Variants in TRDN observed in about 807,000 individuals in gnomAD.
TRDN encodes the protein triadin.
Under a neutral mutation model 149.7 loss-of-function variants are expected in TRDN, and 161 were observed. The ratio of observed to expected loss-of-function variants is 1.08; its 90% confidence interval spans 0.95 to 1.23. The LOEUF (loss-of-function observed/expected upper bound fraction) is 1.23, where lower values mean the gene tolerates loss of function less well. Among genes scored for constraint, TRDN ranks in the 50% most tolerant of loss-of-function variants. The probability of loss-of-function intolerance (pLI) is 0.00; values close to 1 mark genes in which losing one functional copy is unlikely to be tolerated. For synonymous variants in TRDN, 294 were observed against 250.5 expected, an observed-to-expected ratio of 1.17 and a Z score of -1.64; for missense variants, 896 against 823.5, an observed-to-expected ratio of 1.09 and a Z score of -1.08.
intron 2 of TRDN, among the ~76,000 whole-genome samples, chr6:123,561,137 T>C (rs1292702374): frequency 2.6e-5 from 4 of 152,178 alleles, no homozygotes; most frequent in Admixed American, 2.0e-4. Context: ...TGTGGTCATT[T>C]CTTCCCTTCT....
chr6:123,464,919 T>C lies in TRDN; in HGVS notation c.918A>G (p.Ser306=). The C allele has an allele frequency of 6.3e-7, 1 of 1,588,698 alleles. No homozygotes were observed. Among genetic ancestry groups the C allele is most frequent in the South Asian group, 1.2e-5 (1 of 86,838 alleles). ...AAAAGTACTTGCCTTCAAGGGCAGG[T>C]GATGCCGGAGTGGGTCTGGAAGCTT... is the stretch of plus-strand genomic sequence containing the variant. ...TEQASRPTPA[S]PALEEKEGEK... is the part of the protein sequence containing the mutation. Residue 306 remains serine (S), a synonymous_variant, in exon 10 of 41, where the codon TCA becomes TCG. Transcript: ENST00000334268.
intron 20 of TRDN, among the ~76,000 whole-genome samples, chr6:123,364,944 T>A (rs534384181): frequency 6.6e-6 from 1 of 152,352 alleles, no homozygotes; most frequent in African/African-American, 2.4e-5. Context: ...TTAATACTAA[T>A]GAGCAATGTC....
At chr6:123,455,397 AG>A (rs1776048407) in intron 10 of TRDN, among the ~76,000 whole-genome samples, 1 of 146,088 alleles carries the variant, frequency 6.8e-6, no homozygotes, top group Non-Finnish European at 1.5e-5. Context: ...GAAACAAAAA[AG>A]GCAACCACTG....
chr6:123,494,175 C>G (rs193087697), intron 9 of TRDN, among the ~76,000 whole-genome samples: 1 of 152,190 alleles, frequency 6.6e-6, no homozygotes, highest in East Asian at 1.9e-4. Context: ...TCCTATAGAA[C>G]TAGGAATTAT....
At chr6:123,294,952 C>T (rs1189587540) in intron 24 of TRDN, among the ~76,000 whole-genome samples, 2 of 152,096 alleles carry the variant, frequency 1.3e-5, no homozygotes, top group Non-Finnish European at 1.5e-5. Context: ...GAAGCAGTTA[C>T]AGAAAATGAA....
chr6:123,625,108 C>A (rs972743347), intron 1 of TRDN, among the ~76,000 whole-genome samples: 3 of 149,758 alleles, frequency 2.0e-5, no homozygotes, highest in African/African-American at 5.0e-5. Context: ...CAAATGTACT[C>A]TTGATCTCCT....
intron 14 of TRDN, among the ~76,000 whole-genome samples, chr6:123,385,581 T>C (rs1411145927): frequency 1.3e-5 from 2 of 152,146 alleles, no homozygotes; most frequent in Admixed American, 1.3e-4. Flanking sequence ...ACTATAATAC[T>C]AGGAATTTTG....
intron 24 of TRDN, among the ~76,000 whole-genome samples, chr6:123,303,859 C>T (rs571458468): frequency 6.6e-6 from 1 of 151,806 alleles, no homozygotes; most frequent in East Asian, 1.9e-4. Flanking sequence ...AAAATGTAAA[C>T]AAGATAATAA....
At chr6:123,464,186 A>C in intron 10 of TRDN, 4 of 866,232 alleles carry the variant, frequency 4.6e-6, no homozygotes, top group Non-Finnish European at 5.5e-6. Flanking sequence ...ACAATATCTG[A>C]AATGATCCCA....
intron 23 of TRDN, among the ~76,000 whole-genome samples, chr6:123,323,438 C>G (rs1164446836): frequency 6.6e-6 from 1 of 152,100 alleles, no homozygotes; most frequent in Non-Finnish European, 1.5e-5. Context: ...TGTCTCTGTC[C>G]CTCTTACACA....
At chr6:123,247,928 C>G (rs1202999770) in intron 38 of TRDN, among the ~76,000 whole-genome samples, 1 of 152,016 alleles carries the variant, frequency 6.6e-6, no homozygotes, top group African/African-American at 2.4e-5. Flanking sequence ...AGAACAAAGG[C>G]CACAGAAATA....
intron 10 of TRDN, among the ~76,000 whole-genome samples, chr6:123,447,757 A>G (rs1343535058): frequency 1.3e-5 from 2 of 150,658 alleles, no homozygotes; most frequent in Non-Finnish European, 3.0e-5. Context: ...TGGGCCACAG[A>G]GTGAGATCAG....
At position 123,367,619 on chromosome 6, in the gene TRDN, T is replaced by C. The variant is rs926448540; in HGVS notation, c.1274-1437A>G. ...CTTCAAGACTGAACAGACTCCTGGCTGTTTTATACCTTCCAGGTAAAGACT... is the reference window on the plus strand; with the variant it reads ...CTTCAAGACTGAACAGACTCCTGGCCGTTTTATACCTTCCAGGTAAAGACT... On this transcript the variant is annotated intron_variant, in intron 19 of 40. Coordinates refer to ENST00000334268, the MANE Select transcript of TRDN (RefSeq NM_006073.4). 3.3e-5 allele frequency among the ~76,000 whole-genome samples: 5 copies of C among 152,374 alleles called. No individual in the cohort carries two copies. The East Asian group carries it at 9.7e-4, about 29-fold the overall frequency.
chr6:123,246,257 TAG>T (rs1776174534), intron 38 of TRDN, among the ~76,000 whole-genome samples: 2 of 151,724 alleles, frequency 1.3e-5, no homozygotes, highest in African/African-American at 4.8e-5. Context: ...CTGAAGGAGA[TAG>T]AGACACAAAA....
At chr6:123,447,632 C>G (rs1775467274) in intron 10 of TRDN, among the ~76,000 whole-genome samples, 1 of 152,144 alleles carries the variant, frequency 6.6e-6, no homozygotes, top group South Asian at 2.1e-4. Flanking sequence ...GAAGCTATAT[C>G]ATTCATGAAA....
chr6:123,455,102 C>T (rs776832688), intron 10 of TRDN, among the ~76,000 whole-genome samples: 1 of 152,170 alleles, frequency 6.6e-6, no homozygotes, highest in African/African-American at 2.4e-5. Flanking sequence ...TATCTTTCAA[C>T]TGTCTCACAA....
In TRDN at chr6:123,356,396, A is replaced by T. The variant is rs116206811; in HGVS notation, c.1322-3810T>A. Among the ~76,000 whole-genome samples the T allele has an allele frequency of 4.6e-3, 690 of 150,428 alleles. 8 individuals are homozygous for T. Among genetic ancestry groups the T allele is most frequent in the African/African-American group, 0.016 (652 of 41,200 alleles). On this transcript the variant is annotated intron_variant, in intron 20 of 40. Transcript: ENST00000334268. Reference sequence around the variant, plus strand: ...ATGTATTTTAATTTTTTGAGCTTGCATTTCTGAAATTAAACCAACCTGACT... The same window carrying T: ...ATGTATTTTAATTTTTTGAGCTTGCTTTTCTGAAATTAAACCAACCTGACT...
At chr6:123,315,313 T>A (rs1197217887) in intron 24 of TRDN, among the ~76,000 whole-genome samples, 1 of 151,922 alleles carries the variant, frequency 6.6e-6, no homozygotes, top group African/African-American at 2.4e-5. Flanking sequence ...TTATCTCTAT[T>A]ATGCTTTTTT....
At chr6:123,299,670 A>T (rs2114666482) in intron 24 of TRDN, among the ~76,000 whole-genome samples, 1 of 152,168 alleles carries the variant, frequency 6.6e-6, no homozygotes, top group South Asian at 2.1e-4. Flanking sequence ...GAAGTACTTC[A>T]TGATAGACTT....
Sources: allele counts gnomAD v4.1 joint callset (sites outside exome capture counted in the v4.1 genomes callset), GRCh38; gene constraint gnomAD v4.1.1; transcripts MANE v1.5; gene names NCBI Gene and HGNC (gene_info 2026-07-23, HGNC 2026-07-21).